The following MGAT5B variants were observed in gnomAD, a reference collection of about 807,000 sequenced individuals.
MGAT5B encodes the protein N-acetylglucosaminyl-transferase Vb.
A neutral mutation model predicts 95.1 loss-of-function variants in MGAT5B; 54 were observed. That is an observed-to-expected ratio of 0.57 (90% CI 0.46 to 0.71). MGAT5B has a LOEUF of 0.71. Ranked by LOEUF, MGAT5B falls within the 30% of genes least tolerant of loss-of-function variation. MGAT5B has a pLI of 0.00. For missense variants in MGAT5B, 935 were observed against 1,088.6 expected (o/e 0.86, Z 1.99); for synonymous variants, 464 against 451.0 (o/e 1.03, Z -0.36).
At chr17:76,934,119 A>G (rs1025385328) in intron 12 of MGAT5B, among the ~76,000 whole-genome samples, 5 of 152,282 alleles carry the variant, frequency 3.3e-5, no homozygotes, top group African/African-American at 9.6e-5. Context: ...AGGAGGAGAG[A>G]AGGAGGACTC....
At chr17:76,932,471 G>A (rs972736172) in intron 10 of MGAT5B, among the ~76,000 whole-genome samples, 174 bp from the exon 11 acceptor site, 5 of 151,988 alleles carry the variant, frequency 3.3e-5, no homozygotes, top group Non-Finnish European at 7.4e-5. Context: ...AGCAGTCTCC[G>A]GGAAGGGGGT....
At chr17:76,923,600 A>G (rs751979097) in intron 8 of MGAT5B, among the ~76,000 whole-genome samples, 6 of 151,950 alleles carry the variant, frequency 3.9e-5, no homozygotes, top group Admixed American at 6.6e-5. Flanking sequence ...CCCTCCACCA[A>G]TGGGCCTCTC....
intron 9 of MGAT5B, among the ~76,000 whole-genome samples, chr17:76,926,091 G>A (rs1445092716): frequency 6.6e-6 from 1 of 152,214 alleles, no homozygotes; most frequent in East Asian, 1.9e-4. Context: ...AGGAGGCTCA[G>A]AAGCGCTGCC....
chr17:76,946,324 C>G, intron 15 of MGAT5B, 52 bp from the exon 16 acceptor site: 1 of 1,504,526 alleles, frequency 6.6e-7, no homozygotes, highest in Non-Finnish European at 9.1e-7. Context: ...TGGCAGGGCC[C>G]CCGACGGCTG....
intron 12 of MGAT5B, among the ~76,000 whole-genome samples, chr17:76,937,572 G>T (rs185494728): frequency 1.5e-4 from 23 of 152,150 alleles, no homozygotes; most frequent in Admixed American, 1.4e-3. Context: ...TGGATGGATG[G>T]TGGGTAGATG....
chr17:76,932,701 G>C lies in MGAT5B; in HGVS notation c.1348G>C (p.Glu450Gln), dbSNP rs559958774. Residue 450 changes from glutamate (E) to glutamine (Q), a missense_variant, in exon 11 of 18, where the codon GAG becomes CAG. Transcript: ENST00000569840. ...CGTGTCCGAGGAGCTCAACGAGACG[G>C]AGAAGCGGCTCATCAAAGGCGGCAA... The part of the protein sequence containing the change: ...GFVSEELNET[E>Q]KRLIKGGKAS... The C allele has an allele frequency of 1.9e-6, 3 of 1,614,062 alleles. No homozygotes were observed. Among genetic ancestry groups the C allele is most frequent in the African/African-American group, 1.3e-5 (1 of 75,060 alleles).
chr17:76,932,082 T>TC (rs1486198808), intron 10 of MGAT5B, among the ~76,000 whole-genome samples: 21 of 66,206 alleles, frequency 3.2e-4, no homozygotes, highest in East Asian at 7.0e-4. Context: ...CTCCTCCTCC[T>TC]CCTCCCCCCC....
intron 17 of MGAT5B, 132 bp from the exon 18 acceptor site, chr17:76,948,508 T>C (rs950373477): frequency 1.6e-5 from 16 of 973,208 alleles, no homozygotes; most frequent in Non-Finnish European, 2.4e-5. Flanking sequence ...CACATTTCCT[T>C]ACCCAGGCTG....
chr17:76,869,510 C>T lies in MGAT5B; in HGVS notation c.68+413C>T, dbSNP rs1413626033. ...GGCGCCTTGGAGCTCCCCCTCCGGT[C>T]CCTCCCGTCCCGCCCGTCTGCCCCT... On this transcript the variant is annotated intron_variant, in intron 1 of 17. Coordinates refer to ENST00000569840, the MANE Select transcript of MGAT5B (RefSeq NM_001199172.2). The surrounding 1 kb of genome is among the most constrained non-coding windows in gnomAD (Gnocchi z 7.0). Among the ~76,000 whole-genome samples, 3 of 152,128 alleles carry T rather than the reference C, an allele frequency of 2.0e-5. No homozygotes were observed. The highest frequency in any genetic ancestry group is 4.4e-5 in the Non-Finnish European group (3 of 68,018).
chr17:76,890,229 T>A (rs555967638), intron 3 of MGAT5B, among the ~76,000 whole-genome samples: 2 of 152,186 alleles, frequency 1.3e-5, no homozygotes, highest in Non-Finnish European at 1.5e-5. Flanking sequence ...AAACCTCGGG[T>A]GGAGCAATTT....
rs369795887 is a variant in MGAT5B, at chr17:76,932,480, G to T, written c.1292-165G>T. Among the ~76,000 whole-genome samples the T allele has an allele frequency of 1.0e-3, 156 of 152,174 alleles. 3 individuals carry two copies. The highest frequency in any genetic ancestry group is 3.4e-3 in the Middle Eastern group (1 of 294). On this transcript the variant is annotated intron_variant, in intron 10 of 17. Coordinates refer to ENST00000569840, the MANE Select transcript of MGAT5B (RefSeq NM_001199172.2). ...CTTTGTAGCAGTCTCCGGGAAGGGG[G>T]TCACAGGCCGGGGCACTGATTACAC... is the stretch of plus-strand genomic sequence containing the variant.
chr17:76,949,063 G>A lies in MGAT5B; in HGVS notation c.*225G>A. The stretch of plus-strand genomic sequence containing the variant: ...CCCAGGCAGGCTCCGGTTCTCTCCT[G>A]GGGACTCACAGAAGCATCGTGGCCA... On this transcript the variant is annotated 3_prime_UTR_variant, in exon 18 of 18. Coordinates refer to ENST00000569840, the MANE Select transcript of MGAT5B (RefSeq NM_001199172.2). 1 of 603,406 alleles carries A rather than the reference G, an allele frequency of 1.7e-6. No individual in the cohort carries two copies. The highest frequency in any genetic ancestry group is 2.9e-6 in the Non-Finnish European group (1 of 343,900). 37.4% of individuals were successfully genotyped at this position (603,406 alleles called of 1,614,324 possible). A position where few individuals can be genotyped will look rare whatever the true frequency, so the allele number is the denominator to read the frequency against.
chr17:76,895,456 T>C (rs1471174525), intron 3 of MGAT5B, among the ~76,000 whole-genome samples: 1 of 152,048 alleles, frequency 6.6e-6, no homozygotes, highest in East Asian at 1.9e-4. Flanking sequence ...GCTAAAAAGG[T>C]TGGGAACCAC....
At chr17:76,921,628 T>C (rs1459304973) in intron 8 of MGAT5B, among the ~76,000 whole-genome samples, 1 of 152,052 alleles carries the variant, frequency 6.6e-6, no homozygotes, top group Non-Finnish European at 1.5e-5. Context: ...GAGAGGCTGC[T>C]GCAGATCCTG....
rs146058394 is a variant in MGAT5B, at chr17:76,939,937, G to A, written c.1585-465G>A. On this transcript the variant is annotated intron_variant, in intron 13 of 17. Coordinates refer to ENST00000569840, the MANE Select transcript of MGAT5B (RefSeq NM_001199172.2). ...CAAGCCACCGTTAATGGGCACCTCC[G>A]TTGGTTCCATGTCTTTGCTGTTGTA... is the stretch of plus-strand genomic sequence containing the variant. 5.9e-5 allele frequency among the ~76,000 whole-genome samples: 9 copies of A among 152,168 alleles called. No homozygotes were observed. In the South Asian group the frequency reaches 6.2e-4, roughly 11 times the overall value.
chr17:76,903,433 C>T, intron 5 of MGAT5B, 57 bp downstream of exon 5: 1 of 1,460,368 alleles, frequency 6.8e-7, no homozygotes, highest in East Asian at 2.5e-5. Context: ...TCTGTCTGGC[C>T]CTGGCCCCTC....
At chr17:76,913,630 C>G (rs1350667397) in intron 8 of MGAT5B, 1 of 484,884 alleles carries the variant, frequency 2.1e-6, no homozygotes. Context: ...TTGAGGGGCA[C>G]AGACTTGGGA....
intron 12 of MGAT5B, 21 bp from the exon 13 acceptor site, chr17:76,937,967 C>A: frequency 6.2e-7 from 1 of 1,610,866 alleles, no homozygotes; most frequent in Non-Finnish European, 8.5e-7. Flanking sequence ...TGGTTCCCAT[C>A]TCCTCCTCTT....
Position 76,924,995 on chromosome 17 carries a change from G to A in MGAT5B, c.1055G>A (p.Ser352Asn), listed in dbSNP as rs776211591. Residue 352 changes from serine to asparagine, a missense_variant, in exon 9 of 18, where the codon AGC (serine) becomes AAC (asparagine). Ser to Asn is a conservative substitution (Grantham distance 46, BLOSUM62 1). This residue lies in a region of MGAT5B where 243 missense variants were observed against 305.5 expected (regional missense o/e 0.80). Transcript: ENST00000569840. ...SNLGVPPGRG[S>N]CPLTMPLPFD... ...TTAGGGGTACCGCCAGGCCGGGGAA[G>A]CTGCCCGCTCACCATGCCCCTGCCC... is the stretch of plus-strand genomic sequence containing the variant. 5 of 1,611,954 alleles carry A rather than the reference G, an allele frequency of 3.1e-6. No individual in the cohort carries two copies. The East Asian group carries it at 1.1e-4, about 36-fold the overall frequency.
Sources: gnomAD v4.1 joint callset for allele counts (sites outside exome capture counted in the v4.1 genomes callset) on GRCh38, gnomAD v4.1.1 for gene constraint, gnomAD v4.1.1 regional missense constraint, Gnocchi (gnomAD v3.1) non-coding constraint, MANE v1.5 for transcripts, NCBI Gene and HGNC (gene_info 2026-07-23, HGNC 2026-07-21) for gene names.